The following CEP112 variants were observed in gnomAD, a reference collection of about 807,000 sequenced individuals.
The protein encoded by CEP112 is centrosomal protein of 112 kDa.
CEP112 carries 127 observed loss-of-function variants against 153.0 expected under a neutral mutation model. The ratio of observed to expected loss-of-function variants is 0.83; its 90% CI spans 0.72 to 0.96. CEP112 has a LOEUF of 0.96. Among genes scored for constraint, CEP112 ranks in the 40% least tolerant of loss-of-function variants. The probability of loss-of-function intolerance (pLI) is 0.00; values close to 1 mark genes in which losing one functional copy is unlikely to be tolerated. For missense variants in CEP112, 1,089 were observed against 1,101.2 expected (o/e 0.99, Z 0.16); for synonymous variants, 358 against 374.4 (o/e 0.96, Z 0.51).
At chr17:65,676,254 G>C (rs1398741972) in intron 24 of CEP112, among the ~76,000 whole-genome samples, 3 of 151,774 alleles carry the variant, frequency 2.0e-5, no homozygotes, top group Non-Finnish European at 2.9e-5. Context: ...CTTGAGCCCA[G>C]GAGGCGGAGG....
chr17:65,989,691 G>A (rs1423556553), intron 17 of CEP112, among the ~76,000 whole-genome samples: 2 of 152,106 alleles, frequency 1.3e-5, no homozygotes, highest in African/African-American at 2.4e-5. Flanking sequence ...AAACCCACTG[G>A]TAAAATTAAG....
At chr17:66,130,095 T>A (rs2070065633) in intron 5 of CEP112, among the ~76,000 whole-genome samples, 1 of 152,120 alleles carries the variant, frequency 6.6e-6, no homozygotes, top group South Asian at 2.1e-4. Context: ...TTTGTGTGCT[T>A]GTCTGGTAAT....
At chr17:65,639,085 C>T (rs572618098) in intron 25 of CEP112, among the ~76,000 whole-genome samples, 4 of 152,096 alleles carry the variant, frequency 2.6e-5, no homozygotes, top group African/African-American at 4.8e-5. Flanking sequence ...TATATGCAGG[C>T]GTGAACAAAA....
At chr17:66,182,802 A>G (rs1209970297) in intron 2 of CEP112, among the ~76,000 whole-genome samples, 1 of 152,230 alleles carries the variant, frequency 6.6e-6, no homozygotes. Context: ...TTCTGCTTTG[A>G]TAGACAGGGC....
At chr17:66,152,036 A>G (rs1338015121) in intron 4 of CEP112, among the ~76,000 whole-genome samples, 5 of 152,228 alleles carry the variant, frequency 3.3e-5, no homozygotes, top group African/African-American at 1.2e-4. Flanking sequence ...GAAAACACGT[A>G]TAGCTAGGTA....
chr17:66,084,999 TC>T (rs762806763), intron 8 of CEP112, among the ~76,000 whole-genome samples: 7 of 151,942 alleles, frequency 4.6e-5, no homozygotes, highest in Non-Finnish European at 1.0e-4. Context: ...GAAGAAACCT[TC>T]TCTACACTAA....
intron 12 of CEP112, among the ~76,000 whole-genome samples, chr17:66,041,534 C>T (rs2065979375): frequency 6.6e-6 from 1 of 152,062 alleles, no homozygotes. Flanking sequence ...ATACACAGGT[C>T]AGTATTTCCT....
chr17:66,046,307 G>T (rs1568426810), intron 12 of CEP112, among the ~76,000 whole-genome samples: 1 of 152,110 alleles, frequency 6.6e-6, no homozygotes, highest in Non-Finnish European at 1.5e-5. Flanking sequence ...CTCCCAAAGT[G>T]CTGGGATTAT....
intron 21 of CEP112, among the ~76,000 whole-genome samples, chr17:65,801,566 C>T (rs1416843764): frequency 6.6e-6 from 1 of 152,136 alleles, no homozygotes; most frequent in Non-Finnish European, 1.5e-5. Context: ...TTAGGTCTCA[C>T]AAGTTGCTAT....
chr17:65,750,791 T>C, intron 21 of CEP112, 67 bp from the exon 22 acceptor site: 1 of 1,435,830 alleles, frequency 7.0e-7, no homozygotes, highest in Non-Finnish European at 9.8e-7. Flanking sequence ...TCCACATGCC[T>C]ATCACCAGGC....
At chr17:66,027,235 G>C (rs1328040744) in intron 16 of CEP112, among the ~76,000 whole-genome samples, 1 of 152,070 alleles carries the variant, frequency 6.6e-6, no homozygotes, top group Non-Finnish European at 1.5e-5. Flanking sequence ...AAATTGGCTA[G>C]GCATGGTGGT....
intron 21 of CEP112, among the ~76,000 whole-genome samples, chr17:65,787,969 T>C (rs1354186942): frequency 1.3e-5 from 2 of 152,212 alleles, no homozygotes; most frequent in Non-Finnish European, 2.9e-5. Flanking sequence ...GCAGCAGTGA[T>C]TAACGGGCAC....
chr17:66,036,411 T>C (rs1021857788), intron 12 of CEP112, among the ~76,000 whole-genome samples: 7 of 152,090 alleles, frequency 4.6e-5, no homozygotes, highest in African/African-American at 1.7e-4. Context: ...GGCTAAAACT[T>C]AACACCACAT....
chr17:65,852,888 T>C (rs1237651485), intron 20 of CEP112, among the ~76,000 whole-genome samples: 1 of 152,190 alleles, frequency 6.6e-6, no homozygotes, highest in East Asian at 1.9e-4. Flanking sequence ...GATTTATAAA[T>C]GTAAGACTAC....
At chr17:65,930,838 T>C (rs917590100) in intron 18 of CEP112, among the ~76,000 whole-genome samples, 2 of 145,432 alleles carry the variant, frequency 1.4e-5, no homozygotes, top group African/African-American at 4.9e-5. Context: ...CCCATCATAC[T>C]ATCAGTAGGT....
chr17:66,055,352 T>C (rs1176013572), intron 11 of CEP112, among the ~76,000 whole-genome samples: 1 of 152,226 alleles, frequency 6.6e-6, no homozygotes, highest in African/African-American at 2.4e-5. Context: ...TATTTGTAAG[T>C]GGTCCCCGAA....
intron 21 of CEP112, chr17:65,826,215 T>TA: frequency 6.2e-7 from 1 of 1,614,212 alleles, no homozygotes; most frequent in Non-Finnish European, 8.5e-7. Context: ...TTGGGGACAT[T>TA]ACCATTCTCT....
At chr17:65,748,143 C>G (rs1174896455) in intron 22 of CEP112, among the ~76,000 whole-genome samples, 2 of 152,156 alleles carry the variant, frequency 1.3e-5, no homozygotes, top group Non-Finnish European at 2.9e-5. Flanking sequence ...GCATTGTAGA[C>G]TAATGCTTCT....
intron 18 of CEP112, among the ~76,000 whole-genome samples, chr17:65,959,939 T>C (rs12948079): frequency 2.0e-5 from 3 of 151,828 alleles, no homozygotes; most frequent in Non-Finnish European, 2.9e-5. Flanking sequence ...CAGTGGGCCT[T>C]AGCAAAACTC....
Sources: gnomAD v4.1 joint callset for allele counts (sites outside exome capture counted in the v4.1 genomes callset) on GRCh38, gnomAD v4.1.1 for gene constraint, MANE v1.5 for transcripts, NCBI Gene and HGNC (gene_info 2026-07-23, HGNC 2026-07-21) for gene names.